Variants in CLVS1 observed in about 807,000 individuals in gnomAD.
CLVS1 encodes clavesin 1.
CLVS1 carries 10 observed loss-of-function variants against 33.1 expected under a neutral mutation model. That is an observed-to-expected ratio of 0.30 (90% CI 0.19 to 0.51). The LOEUF is 0.51. CLVS1 is among the 20% of genes least tolerant of loss of function. The pLI, the probability that CLVS1 is intolerant of heterozygous loss-of-function variation, is 0.97. For missense variants in CLVS1, 343 were observed against 433.4 expected (o/e 0.79, Z 1.85); for synonymous variants, 163 against 166.1 (o/e 0.98, Z 0.14).
chr8:61,001,825 C>T, the CLVS1 span, among the ~76,000 whole-genome samples: 1 of 152,254 alleles, frequency 6.6e-6, no homozygotes, highest in Non-Finnish European at 1.5e-5. Context: ...GGACATTCTT[C>T]CTTTACACCA....
chr8:61,322,259 T>C (rs1811218966), intron 2 of CLVS1, among the ~76,000 whole-genome samples: 1 of 152,210 alleles, frequency 6.6e-6, no homozygotes, highest in Non-Finnish European at 1.5e-5. Context: ...TCTTCTCTAA[T>C]ATTCATTACA....
chr8:61,459,186 G>T (rs550552114), intron 5 of CLVS1, among the ~76,000 whole-genome samples: 3 of 152,072 alleles, frequency 2.0e-5, no homozygotes, highest in African/African-American at 7.2e-5. Flanking sequence ...GGCGTGCAAG[G>T]GTGGGAGATG....
intron 2 of CLVS1, among the ~76,000 whole-genome samples, chr8:61,366,422 C>A (rs1438843355): frequency 6.6e-6 from 1 of 152,218 alleles, no homozygotes; most frequent in Admixed American, 6.5e-5. Context: ...TGGCCCTCTC[C>A]TAAACCAGAA....
At chr8:61,277,675 AT>A (rs1475305175) in intron 2 of CLVS1, among the ~76,000 whole-genome samples, 1 of 152,162 alleles carries the variant, frequency 6.6e-6, no homozygotes, top group African/African-American at 2.4e-5. Context: ...GGAAAACAAG[AT>A]TACAGGGAAT....
At chr8:61,145,758 G>A (rs1434486082) in intron 2 of CLVS1, among the ~76,000 whole-genome samples, 1 of 152,182 alleles carries the variant, frequency 6.6e-6, no homozygotes, top group African/African-American at 2.4e-5. Context: ...AACGATTGTG[G>A]TCAGTGGATA....
chr8:61,273,197 T>C (rs1454570722), intron 2 of CLVS1, among the ~76,000 whole-genome samples: 3 of 150,334 alleles, frequency 2.0e-5, no homozygotes, highest in Non-Finnish European at 4.5e-5. Flanking sequence ...GTTTGTTAGT[T>C]TTCCTTCTAA....
chr8:61,326,127 C>G (rs144928000), intron 2 of CLVS1, among the ~76,000 whole-genome samples: 2 of 152,184 alleles, frequency 1.3e-5, no homozygotes, highest in South Asian at 4.1e-4. Flanking sequence ...TGCCTTTCAG[C>G]CTTCATTTGC....
chr8:61,043,985 T>C, the CLVS1 span, among the ~76,000 whole-genome samples: 3 of 152,200 alleles, frequency 2.0e-5, no homozygotes, highest in African/African-American at 7.2e-5. Flanking sequence ...GATGCATAAT[T>C]GTTAGCTCTT....
At chr8:61,069,531 A>C (rs1320235987) in intron 1 of CLVS1, among the ~76,000 whole-genome samples, 1 of 152,166 alleles carries the variant, frequency 6.6e-6, no homozygotes, top group Non-Finnish European at 1.5e-5. Flanking sequence ...GATAGGACAC[A>C]TCAGTGCTTG....
At chr8:61,437,926 G>A (rs1334290949) in intron 3 of CLVS1, among the ~76,000 whole-genome samples, 1 of 152,188 alleles carries the variant, frequency 6.6e-6, no homozygotes, top group Non-Finnish European at 1.5e-5. Context: ...TATAGTAGAG[G>A]AAATAAGACG....
intron 2 of CLVS1, among the ~76,000 whole-genome samples, chr8:61,308,758 A>G (rs1161012125): frequency 6.6e-6 from 1 of 152,114 alleles, no homozygotes; most frequent in Non-Finnish European, 1.5e-5. Context: ...AGTGTTTTGT[A>G]TACACTATTT....
intron 1 of CLVS1, among the ~76,000 whole-genome samples, chr8:61,125,681 C>T (rs918912089): frequency 3.3e-5 from 5 of 152,188 alleles, no homozygotes; most frequent in Non-Finnish European, 7.3e-5. Flanking sequence ...ATTTTCTAAT[C>T]TGAAGAACTC....
Position 61,348,512 on chromosome 8 carries a change from C to T in CLVS1, c.456-28093C>T, listed in dbSNP as rs1251226752. 5.3e-5 allele frequency among the ~76,000 whole-genome samples: 8 copies of T among 152,178 alleles called. No homozygotes were observed. The East Asian group carries it at 9.7e-4, about 18-fold the overall frequency. On this transcript the variant is annotated intron_variant, in intron 2 of 5. Coordinates refer to ENST00000325897, the MANE Select transcript of CLVS1 (RefSeq NM_173519.3). ...TAATAATAATAATAACTTATCATAA[C>T]GTCCTTCAGGTTCATTCATATTGTT... is the stretch of plus-strand genomic sequence containing the variant.
chr8:60,994,121 C>T, the CLVS1 span, among the ~76,000 whole-genome samples: 1 of 152,186 alleles, frequency 6.6e-6, no homozygotes, highest in African/African-American at 2.4e-5. Flanking sequence ...GTCAAGGTGT[C>T]AGCAGCATTG....
chr8:61,191,865 C>G (rs1266019297), intron 2 of CLVS1, among the ~76,000 whole-genome samples: 1 of 151,846 alleles, frequency 6.6e-6, no homozygotes, highest in Non-Finnish European at 1.5e-5. Flanking sequence ...CACTGCTCCA[C>G]AAAATAAAAG....
intron 2 of CLVS1, among the ~76,000 whole-genome samples, chr8:61,167,042 C>A (rs1232642638): frequency 1.3e-5 from 2 of 151,406 alleles, no homozygotes; most frequent in African/African-American, 4.8e-5. Flanking sequence ...TTCTTGATGG[C>A]ATAAATTTTG....
intron 5 of CLVS1, among the ~76,000 whole-genome samples, chr8:61,487,651 A>G (rs1803930300): frequency 1.3e-5 from 2 of 152,242 alleles, no homozygotes; most frequent in Non-Finnish European, 2.9e-5. Flanking sequence ...AAATTCCTCC[A>G]TCACAATTTT....
chr8:61,026,143 G>T, the CLVS1 span, among the ~76,000 whole-genome samples: 8 of 152,108 alleles, frequency 5.3e-5, no homozygotes, highest in East Asian at 1.2e-3. Context: ...TTAGAATAAG[G>T]TTATTAGGAT....
At chr8:61,435,625 TA>T (rs35113828) in intron 3 of CLVS1, among the ~76,000 whole-genome samples, 5,129 of 134,850 alleles carry the variant, frequency 0.038, 180 homozygotes, top group African/African-American at 0.1. Context: ...ATTGTGATAG[TA>T]AAAAAAAAAA....
Sources: allele counts gnomAD v4.1 joint callset (sites outside exome capture counted in the v4.1 genomes callset), GRCh38; gene constraint gnomAD v4.1.1; transcripts MANE v1.5; gene names NCBI Gene and HGNC (gene_info 2026-07-23, HGNC 2026-07-21).